The following MAST4 variants were observed in gnomAD, a reference collection of about 807,000 sequenced individuals.
The protein encoded by MAST4 is microtubule associated serine/threonine kinase family member 4, also known as microtubule-associated serine/threonine-protein kinase 4.
Under a neutral mutation model 162.7 loss-of-function variants are expected in MAST4, and 89 were observed. The ratio of observed to expected loss-of-function variants is 0.55; its 90% CI spans 0.46 to 0.65. The LOEUF (loss-of-function observed/expected upper bound fraction) is 0.65. Ranked by LOEUF, MAST4 falls within the 30% of genes least tolerant of loss-of-function variation. The pLI is 0.00. For synonymous variants in MAST4, 1,479 were observed against 1,361.1 expected (o/e 1.09, Z -1.91); for missense variants, 3,153 against 3,374.0 (o/e 0.93, Z 1.62).
intron 1 of MAST4, among the ~76,000 whole-genome samples, chr5:66,702,340 A>G (rs963399247): frequency 2.0e-5 from 3 of 152,188 alleles, no homozygotes; most frequent in Non-Finnish European, 4.4e-5. Flanking sequence ...GGCTCTGAAG[A>G]TAGTCTTTCC....
At chr5:66,772,827 C>T (rs1434549588) in intron 2 of MAST4, among the ~76,000 whole-genome samples, 1 of 152,170 alleles carries the variant, frequency 6.6e-6, no homozygotes, top group Non-Finnish European at 1.5e-5. Flanking sequence ...CCTATACTCT[C>T]AAGGTCCCTT....
chr5:67,041,162 G>A lies in MAST4; in HGVS notation c.675-13242G>A, dbSNP rs567991041. Among the ~76,000 whole-genome samples the A allele has an allele frequency of 2.0e-5, 3 of 152,286 alleles. No homozygotes were observed. The South Asian group carries it at 6.2e-4, about 32-fold the overall frequency. ...CATGGTAGCAGAGCAAGATTGGGCT[G>A]ATGTGCACGGTTTTGACAGTTGTTC... On this transcript the variant is annotated intron_variant, in intron 4 of 28. Transcript: ENST00000403625.
chr5:66,940,011 G>T (rs946932379), intron 4 of MAST4, among the ~76,000 whole-genome samples: 2 of 152,054 alleles, frequency 1.3e-5, no homozygotes, highest in Non-Finnish European at 2.9e-5. Context: ...AGGCTGCAGT[G>T]AGTTATGATC....
chr5:66,801,514 C>A (rs1233038719), intron 3 of MAST4, among the ~76,000 whole-genome samples: 1 of 152,180 alleles, frequency 6.6e-6, no homozygotes, highest in Non-Finnish European at 1.5e-5. Context: ...TTCTAAACCC[C>A]AGTTGATTAT....
chr5:67,134,336 G>A (rs1414764651), intron 17 of MAST4, among the ~76,000 whole-genome samples, 187 bp from the exon 18 acceptor site: 2 of 152,010 alleles, frequency 1.3e-5, no homozygotes, highest in African/African-American at 4.8e-5. Flanking sequence ...TCCCGTCTTT[G>A]GTAATAATTC....
intron 5 of MAST4, among the ~76,000 whole-genome samples, chr5:67,075,649 T>A (rs1761549912): frequency 6.6e-6 from 1 of 152,166 alleles, no homozygotes; most frequent in Admixed American, 6.5e-5. Context: ...CCATTAGGAT[T>A]CCAAAATGAT....
At chr5:66,956,236 G>A (rs566350512) in intron 4 of MAST4, among the ~76,000 whole-genome samples, 32 of 152,260 alleles carry the variant, frequency 2.1e-4, no homozygotes, top group Non-Finnish European at 4.4e-4. Flanking sequence ...ACGTCTCTGT[G>A]ATATTGTTTA....
At chr5:67,071,875 A>G (rs940283778) in intron 5 of MAST4, among the ~76,000 whole-genome samples, 1 of 152,236 alleles carries the variant, frequency 6.6e-6, no homozygotes, top group Non-Finnish European at 1.5e-5. Flanking sequence ...TTAAAAAGAT[A>G]CTTTAAAATG....
At chr5:66,817,949 A>C (rs1756810555) in intron 3 of MAST4, among the ~76,000 whole-genome samples, 1 of 152,210 alleles carries the variant, frequency 6.6e-6, no homozygotes, top group Non-Finnish European at 1.5e-5. Flanking sequence ...AAGTTAAATC[A>C]ACTTCCAGAA....
chr5:67,101,827 A>G (rs1416245720), intron 8 of MAST4, among the ~76,000 whole-genome samples: 1 of 151,712 alleles, frequency 6.6e-6, no homozygotes, highest in Non-Finnish European at 1.5e-5. Context: ...TTTTTGTTTT[A>G]TTAAAGGAAT....
intron 1 of MAST4, chr5:66,622,857 C>T (rs914136109): frequency 1.3e-5 from 2 of 152,180 alleles, no homozygotes; most frequent in Non-Finnish European, 2.9e-5. Flanking sequence ...AATAAAGCAC[C>T]AGACAGAGAT....
intron 4 of MAST4, among the ~76,000 whole-genome samples, chr5:66,907,814 A>G (rs1763486097): frequency 6.6e-6 from 1 of 152,170 alleles, no homozygotes. Flanking sequence ...CAGCAAAGTA[A>G]AGGCAATGTT....
At chr5:66,993,931 C>CCG (rs1554078107) in intron 4 of MAST4, among the ~76,000 whole-genome samples, 2 of 108,774 alleles carry the variant, frequency 1.8e-5, no homozygotes, top group Admixed American at 1.0e-4. Flanking sequence ...CCCCCCCCCC[C>CCG]ACCCCACCAA....
rs916249459 is a variant in MAST4, at chr5:66,596,543, C to T, written c.-113C>T. 2 of 1,220,824 alleles carry T rather than the reference C, an allele frequency of 1.6e-6. No individual in the cohort carries two copies. The highest frequency in any genetic ancestry group is 2.1e-6 in the Non-Finnish European group (2 of 964,698). The allele number at this position is 1,220,824 out of a possible 1,614,324, so 75.6% of individuals were successfully genotyped here. A position where few individuals can be genotyped will look rare whatever the true frequency, so the allele number is the denominator to read the frequency against. On this transcript the variant is annotated 5_prime_UTR_variant, in exon 1 of 29. Coordinates refer to ENST00000403625, the MANE Select transcript of MAST4 (RefSeq NM_001164664.2). ...GTCGCTGGCGGGGCTCCCTGCAGCC[C>T]GGGAGCGGCAGTGCCAGTGAGCCTG...
intron 4 of MAST4, among the ~76,000 whole-genome samples, chr5:66,913,281 AC>A (rs887454646): frequency 1.4e-5 from 2 of 140,300 alleles, no homozygotes; most frequent in Non-Finnish European, 3.1e-5. Flanking sequence ...TTGCTCCCCC[AC>A]CCCCACATCC....
chr5:66,757,681 C>T (rs1051977252), intron 1 of MAST4, among the ~76,000 whole-genome samples: 1 of 152,024 alleles, frequency 6.6e-6, no homozygotes, highest in Admixed American at 6.6e-5. Flanking sequence ...CCAACAGTCC[C>T]CGTGCATGTG....
chr5:67,081,446 T>G (rs1439761164), intron 5 of MAST4, among the ~76,000 whole-genome samples: 3 of 151,718 alleles, frequency 2.0e-5, no homozygotes, highest in African/African-American at 7.3e-5. Context: ...CTAGTATGAT[T>G]GAGACAAGGA....
chr5:66,726,927 C>T (rs562571911), intron 1 of MAST4, among the ~76,000 whole-genome samples: 3 of 152,014 alleles, frequency 2.0e-5, no homozygotes, highest in Admixed American at 1.3e-4. Flanking sequence ...TGAAATAGAT[C>T]ATTTGGCAGA....
At chr5:66,862,694 A>G (rs1760206501) in intron 3 of MAST4, among the ~76,000 whole-genome samples, 1 of 152,234 alleles carries the variant, frequency 6.6e-6, no homozygotes, top group Admixed American at 6.5e-5. Context: ...CTATGACATG[A>G]GCCCAATAAT....
Sources: gnomAD v4.1 joint callset for allele counts (sites outside exome capture counted in the v4.1 genomes callset) on GRCh38, gnomAD v4.1.1 for gene constraint, MANE v1.5 for transcripts, NCBI Gene and HGNC (gene_info 2026-07-23, HGNC 2026-07-21) for gene names.